CFAP54: variants seen among roughly 807,000 people sequenced by gnomAD.
CFAP54 encodes cilia and flagella associated protein 54.
In CFAP54, 290 loss-of-function variants were observed where a neutral mutation model predicts 370.4. That is an observed-to-expected ratio of 0.78 (90% confidence interval 0.71 to 0.86). The LOEUF is 0.86. Ranked by LOEUF, CFAP54 falls within the 40% of genes least tolerant of loss-of-function variation. The pLI is 0.00. For missense variants in CFAP54, 3,399 were observed against 3,528.7 expected, an observed-to-expected ratio of 0.96 and a Z score of 0.93; for synonymous variants, 1,206 against 1,236.5, an observed-to-expected ratio of 0.98 and a Z score of 0.52.
At chr12:96,586,919 G>A (rs1956080567) in intron 22 of CFAP54, among the ~76,000 whole-genome samples, 1 of 152,224 alleles carries the variant, frequency 6.6e-6, no homozygotes, top group Admixed American at 6.5e-5. Context: ...GAGAGGTGAA[G>A]GTGGCTTGGC....
At chr12:96,802,899 A>G (rs950645131) in intron 63 of CFAP54, among the ~76,000 whole-genome samples, 6 of 151,286 alleles carry the variant, frequency 4.0e-5, no homozygotes, top group Admixed American at 6.6e-5. Flanking sequence ...TCATTGTTCA[A>G]CTCCCACTTA....
In CFAP54 at chr12:96,774,351, C is replaced by T. The variant is rs144314198; in HGVS notation, c.8281+9133C>T. On this transcript the variant is annotated intron_variant, in intron 60 of 67. Coordinates refer to ENST00000524981, the MANE Select transcript of CFAP54 (RefSeq NM_001306084.2). ...TTTTTGATAGATTTTGGATTTCTGT[C>T]ATAGTTAGAAAAGTCCTCCCTACTC... 3.4e-3 allele frequency among the ~76,000 whole-genome samples: 523 copies of T among 152,152 alleles called. 1 individual carries two copies. Among genetic ancestry groups the T allele is most frequent in the Admixed American group, 5.7e-3 (87 of 15,292 alleles).
At chr12:96,744,614 A>G (rs538063540) in intron 55 of CFAP54, among the ~76,000 whole-genome samples, 33 of 152,374 alleles carry the variant, frequency 2.2e-4, no homozygotes, top group Non-Finnish European at 3.5e-4. Context: ...GTATTTTATA[A>G]CTGATGTTAT....
intron 63 of CFAP54, among the ~76,000 whole-genome samples, chr12:96,803,631 G>T (rs909456720): frequency 2.0e-5 from 3 of 152,116 alleles, no homozygotes; most frequent in African/African-American, 7.2e-5. Context: ...CACTGACCTT[G>T]TGTATTGTCA....
At chr12:96,531,828 G>A (rs1465417550) in intron 9 of CFAP54, among the ~76,000 whole-genome samples, 1 of 152,162 alleles carries the variant, frequency 6.6e-6, no homozygotes, top group Non-Finnish European at 1.5e-5. Flanking sequence ...GGGTTCAAAC[G>A]ATTCTCCTGC....
intron 67 of CFAP54, among the ~76,000 whole-genome samples, chr12:96,862,091 T>C (rs1253594561): frequency 6.6e-6 from 1 of 152,168 alleles, no homozygotes; most frequent in African/African-American, 2.4e-5. Context: ...CCTTTGATAA[T>C]ATAAGAAAAA....
chr12:96,840,949 A>G (rs1412799648), intron 66 of CFAP54, among the ~76,000 whole-genome samples: 3 of 152,214 alleles, frequency 2.0e-5, no homozygotes, highest in Non-Finnish European at 4.4e-5. Flanking sequence ...TCAAAATGCT[A>G]AGAAAAGGCT....
intron 22 of CFAP54, among the ~76,000 whole-genome samples, chr12:96,581,501 A>G (rs1316060573): frequency 1.3e-5 from 2 of 152,112 alleles, no homozygotes; most frequent in African/African-American, 4.8e-5. Flanking sequence ...TGCTACTGGC[A>G]TCTAGTGAGT....
Position 96,764,177 on chromosome 12 carries a change from TAAAG to T in CFAP54, c.8071_8074del (p.Glu2691HisfsTer12). The T allele has an allele frequency of 1.2e-6, 2 of 1,613,198 alleles. No individual in the cohort carries two copies. Among genetic ancestry groups the T allele is most frequent in the Non-Finnish European group, 1.7e-6 (2 of 1,179,526 alleles). On this transcript the variant is annotated frameshift_variant, in exon 59 of 68. Transcript: ENST00000524981. LOFTEE classifies it high-confidence loss of function. Reference sequence around the variant, plus strand: ...CTCCTCTCAGAAGAAGTAGTTCTGTTAAAGAAACATCAGCAAATAAATTTGAAAT... The same window carrying T: ...CTCCTCTCAGAAGAAGTAGTTCTGTTAAACATCAGCAAATAAATTTGAAAT...
intron 12 of CFAP54, 21 bp from the exon 13 acceptor site, chr12:96,538,363 C>T: frequency 6.6e-7 from 1 of 1,520,722 alleles, no homozygotes; most frequent in Non-Finnish European, 8.8e-7. Flanking sequence ...TACTCATTTA[C>T]CTTCTCACTT....
At chr12:96,589,791 G>C (rs1317792581) in intron 23 of CFAP54, among the ~76,000 whole-genome samples, 1 of 151,938 alleles carries the variant, frequency 6.6e-6, no homozygotes, top group African/African-American at 2.4e-5. Context: ...CTGTCACCCA[G>C]GCTGGAGTGC....
At chr12:96,491,285 A>G (rs979718481) in intron 1 of CFAP54, among the ~76,000 whole-genome samples, 1 of 152,162 alleles carries the variant, frequency 6.6e-6, no homozygotes, top group African/African-American at 2.4e-5. Flanking sequence ...GCAGATGGGA[A>G]AGACCTGGGG....
rs145140113 is a variant in CFAP54, at chr12:96,514,256, G to A, written c.798+1212G>A. Among the ~76,000 whole-genome samples the A allele has an allele frequency of 4.6e-5, 7 of 152,250 alleles. No homozygotes were observed. The East Asian group carries it at 1.3e-3, about 29-fold the overall frequency. On this transcript the variant is annotated intron_variant, in intron 5 of 67. Transcript: ENST00000524981. ...TCTTATTTCCTCAAAGCATAGCCAA[G>A]TATCTTAAAAGTTGACAACATCTGA...
At chr12:96,863,677 C>A (rs1959934768) in intron 67 of CFAP54, among the ~76,000 whole-genome samples, 1 of 152,176 alleles carries the variant, frequency 6.6e-6, no homozygotes, top group Admixed American at 6.5e-5. Context: ...ACTTGCAGAT[C>A]TGAATGGATG....
rs1955060473 is a variant in CFAP54, at chr12:96,503,936, C to T, written c.474C>T (p.Phe158=). 1 of 1,527,640 alleles carries T rather than the reference C, an allele frequency of 6.5e-7. No individual in the cohort carries two copies. The highest frequency in any genetic ancestry group is 1.7e-4 in the Middle Eastern group (1 of 5,962). The allele number at this position is 1,527,640 out of a possible 1,614,324, so 94.6% of individuals were successfully genotyped here. A position where few individuals can be genotyped will look rare whatever the true frequency, so the allele number is the denominator to read the frequency against. Residue 158 remains phenylalanine, a synonymous_variant, in exon 3 of 68, where the codon TTC becomes TTT. Transcript: ENST00000524981. ...GCTATGGAAGATATCTTCAGCAGTT[C>T]AATACCAATTTTGATGAGAATAAAG... The part of the protein sequence containing the change: ...LQCYGRYLQQ[F]NTNFDENKVD...
chr12:96,662,806 G>A (rs1432202087), intron 38 of CFAP54, among the ~76,000 whole-genome samples: 1 of 151,776 alleles, frequency 6.6e-6, no homozygotes, highest in Non-Finnish European at 1.5e-5. Flanking sequence ...CATCCACATT[G>A]GATCCCTCAC....
At chr12:96,604,835 G>A (rs1441154228) in intron 26 of CFAP54, among the ~76,000 whole-genome samples, 2 of 152,252 alleles carry the variant, frequency 1.3e-5, no homozygotes, top group Non-Finnish European at 2.9e-5. Context: ...CATGGGAAAA[G>A]CGCAGTATTT....
intron 40 of CFAP54, among the ~76,000 whole-genome samples, chr12:96,681,542 A>T (rs1362537933): frequency 6.6e-6 from 1 of 151,062 alleles, no homozygotes; most frequent in East Asian, 1.9e-4. Context: ...TTATCTCAAT[A>T]TTTGCTTTCT....
chr12:96,768,480 C>T (rs941876851), intron 60 of CFAP54, among the ~76,000 whole-genome samples: 7 of 152,082 alleles, frequency 4.6e-5, no homozygotes, highest in African/African-American at 1.4e-4. Flanking sequence ...TGGCAAAACC[C>T]GATCTCTACT....
Sources: allele counts gnomAD v4.1 joint callset (sites outside exome capture counted in the v4.1 genomes callset), GRCh38; gene constraint gnomAD v4.1.1; transcripts MANE v1.5; gene names NCBI Gene and HGNC (gene_info 2026-07-23, HGNC 2026-07-21).